The following CUX2 variants were observed in gnomAD, a reference collection of about 807,000 sequenced individuals.
CUX2 encodes homeobox protein cut-like 2.
A neutral mutation model predicts 144.8 loss-of-function variants in CUX2; 40 were observed. That is an observed-to-expected ratio of 0.28 (90% CI 0.21 to 0.36). The LOEUF is 0.36. CUX2 is among the 10% of genes least tolerant of loss of function. The pLI is 1.00. For missense variants in CUX2, 1,615 were observed against 1,994.0 expected, an observed-to-expected ratio of 0.81 and a Z score of 3.62; for synonymous variants, 827 against 875.6, an observed-to-expected ratio of 0.94 and a Z score of 0.98.
At chr12:111,290,071 C>G (rs1885589637) in intron 4 of CUX2, among the ~76,000 whole-genome samples, 1 of 152,182 alleles carries the variant, frequency 6.6e-6, no homozygotes, top group Admixed American at 6.5e-5. Context: ...GAGCAGCAGC[C>G]AGATCCTTGC....
chr12:111,170,140 G>A (rs1276290630), intron 1 of CUX2, among the ~76,000 whole-genome samples: 1 of 152,178 alleles, frequency 6.6e-6, no homozygotes, highest in African/African-American at 2.4e-5. Flanking sequence ...CAGGATGAGA[G>A]TATTAAGAAC....
intron 16 of CUX2, among the ~76,000 whole-genome samples, chr12:111,315,263 G>A (rs1038742788): frequency 1.3e-5 from 2 of 152,202 alleles, no homozygotes; most frequent in African/African-American, 2.4e-5. Flanking sequence ...TCCAGAATGG[G>A]GACAGGGGTT....
intron 1 of CUX2, among the ~76,000 whole-genome samples, chr12:111,144,855 C>G (rs1407974190): frequency 6.6e-6 from 1 of 152,088 alleles, no homozygotes; most frequent in Non-Finnish European, 1.5e-5. Flanking sequence ...GACTGTGGGC[C>G]GGGCAGTAGC....
chr12:111,340,530 G>A (rs1888533570), intron 20 of CUX2, among the ~76,000 whole-genome samples: 1 of 152,184 alleles, frequency 6.6e-6, no homozygotes, highest in Non-Finnish European at 1.5e-5. Flanking sequence ...GCAACAGAGT[G>A]AGATTCTAAT....
At chr12:111,244,530 C>G (rs1445677487) in intron 3 of CUX2, among the ~76,000 whole-genome samples, 2 of 152,250 alleles carry the variant, frequency 1.3e-5, no homozygotes, top group African/African-American at 4.8e-5. Context: ...TTTTGCTGAT[C>G]ACGACCCCGT....
intron 1 of CUX2, among the ~76,000 whole-genome samples, chr12:111,112,137 C>T (rs961565449): frequency 6.6e-6 from 1 of 152,138 alleles, no homozygotes; most frequent in Non-Finnish European, 1.5e-5. Flanking sequence ...GATCTCTCCT[C>T]TCACAAGAAG....
At chr12:111,071,415 T>C (rs1871250260) in intron 1 of CUX2, among the ~76,000 whole-genome samples, 1 of 152,210 alleles carries the variant, frequency 6.6e-6, no homozygotes, top group Non-Finnish European at 1.5e-5. Flanking sequence ...GCATATACTG[T>C]ATATCTTCTT....
intron 1 of CUX2, among the ~76,000 whole-genome samples, chr12:111,149,851 C>G (rs1456299975): frequency 1.3e-5 from 2 of 152,220 alleles, no homozygotes; most frequent in East Asian, 3.8e-4. Flanking sequence ...TAGGCACACC[C>G]TTACTTGTAG....
chr12:111,145,577 A>G (rs1566252028), intron 1 of CUX2, among the ~76,000 whole-genome samples: 1 of 152,146 alleles, frequency 6.6e-6, no homozygotes, highest in Non-Finnish European at 1.5e-5. Flanking sequence ...TCTGTTGCCC[A>G]GGCTGGTCTT....
chr12:111,199,169 G>A (rs1880421361), intron 1 of CUX2, among the ~76,000 whole-genome samples: 1 of 152,148 alleles, frequency 6.6e-6, no homozygotes, highest in South Asian at 2.1e-4. Flanking sequence ...TGGCGGGATT[G>A]AAGAGACGTG....
At chr12:111,118,009 G>C (rs1874404225) in intron 1 of CUX2, among the ~76,000 whole-genome samples, 2 of 152,198 alleles carry the variant, frequency 1.3e-5, no homozygotes, top group African/African-American at 4.8e-5. Context: ...CCCAGGTAAA[G>C]GCTGGGAAAC....
At chr12:111,204,509 C>T (rs1385136211) in intron 1 of CUX2, among the ~76,000 whole-genome samples, 1 of 152,172 alleles carries the variant, frequency 6.6e-6, no homozygotes, top group Non-Finnish European at 1.5e-5. Flanking sequence ...CACGGCAGAC[C>T]TTGTAGAGAC....
rs1255401639 is a variant in CUX2 at position 111,334,617 on chromosome 12, G to C, written c.3103G>C (p.Gly1035Arg). 1.9e-6 allele frequency: 3 copies of C among 1,614,022 alleles called. No individual in the cohort carries two copies. The highest frequency in any genetic ancestry group is 2.2e-5 in the East Asian group (1 of 44,858). The stretch of plus-strand genomic sequence containing the variant: ...GATGTACTCAGGCAGCCAGGCCCCA[G>C]GGGGCATCCAGGAGATCGTGGCCAT... ...GKMYSGSQAP[G>R]GIQEIVAMSP... is the part of the protein sequence containing the mutation. Residue 1035 changes from glycine (G) to arginine (R), a missense_variant, in exon 19 of 22, where the codon GGG becomes CGG. Physicochemically the swap from Gly to Arg is moderately radical, Grantham distance 125. Around this residue, in one of 12 missense-constraint regions of CUX2, gnomAD observed 128 missense variants for 124.4 expected, o/e 1.03. Coordinates refer to ENST00000261726, the MANE Select transcript of CUX2 (RefSeq NM_015267.4).
chr12:111,311,734 G>T (rs1317355014), intron 15 of CUX2, among the ~76,000 whole-genome samples: 2 of 151,904 alleles, frequency 1.3e-5, no homozygotes, highest in African/African-American at 4.8e-5. Context: ...GAGTAGCTGG[G>T]ATTACAGGTG....
At chr12:111,054,257 G>A (rs1005692015) in intron 1 of CUX2, among the ~76,000 whole-genome samples, 2 of 152,244 alleles carry the variant, frequency 1.3e-5, no homozygotes, top group Admixed American at 6.5e-5. Context: ...TGGGTTCTGG[G>A]GGTGTGGGTT....
chr12:111,034,406 G>A lies in CUX2; in HGVS notation c.63+166G>A, dbSNP rs1043700568. Among the ~76,000 whole-genome samples, 14 of 151,354 alleles carry A rather than the reference G, an allele frequency of 9.2e-5. No homozygotes were observed. Among genetic ancestry groups the A allele is most frequent in the Admixed American group, 3.3e-4 (5 of 15,214 alleles). On this transcript the variant is annotated intron_variant, in intron 1 of 21. Coordinates refer to ENST00000261726, the MANE Select transcript of CUX2 (RefSeq NM_015267.4). The surrounding 1 kb of genome is among the most constrained non-coding windows in gnomAD (Gnocchi z 4.2). ...CCCGCTGCCCATCGATAGGTATTAG[G>A]AATTGATCTCGCCGCTGCTCTTTGT... is the stretch of plus-strand genomic sequence containing the variant.
rs1388383274 is a variant in CUX2, at chr12:111,190,427, C to T, written c.64-23773C>T. Among the ~76,000 whole-genome samples the T allele has an allele frequency of 1.3e-5, 2 of 152,168 alleles. No individual in the cohort carries two copies. Among genetic ancestry groups the T allele is most frequent in the East Asian group, 3.8e-4 (2 of 5,196 alleles). ...CACGCACACACCCCACACTCTTGTT[C>T]CTGACCTTTCTCAGGGAGACATCTC... On this transcript the variant is annotated intron_variant, in intron 1 of 21. Coordinates refer to ENST00000261726, the MANE Select transcript of CUX2 (RefSeq NM_015267.4). This position sits in a 1 kb window ranked among gnomAD's most constrained non-coding sequence, Gnocchi z 4.0.
In CUX2 at chr12:111,064,475, T is replaced by C. The variant is rs577190610; in HGVS notation, c.63+30235T>C. Among the ~76,000 whole-genome samples the C allele has an allele frequency of 1.1e-4, 16 of 152,344 alleles. 2 individuals are homozygous for C. Among genetic ancestry groups the C allele is most frequent in the African/African-American group, 3.6e-4 (15 of 41,582 alleles). On this transcript the variant is annotated intron_variant, in intron 1 of 21. Transcript: ENST00000261726. ...ATGTTCACCATTAATATGATTCTGG[T>C]CTAGCATGGAGAGAAGGCCTGGATT...
intron 1 of CUX2, among the ~76,000 whole-genome samples, chr12:111,196,229 A>C (rs147408713): frequency 9.1e-4 from 139 of 152,306 alleles, no homozygotes; most frequent in Non-Finnish European, 1.8e-3. Context: ...CATTGTATGG[A>C]TAGACCACGT....
Sources: gnomAD v4.1 joint callset for allele counts (sites outside exome capture counted in the v4.1 genomes callset) on GRCh38, gnomAD v4.1.1 for gene constraint, gnomAD v4.1.1 regional missense constraint, Gnocchi (gnomAD v3.1) non-coding constraint, MANE v1.5 for transcripts, NCBI Gene and HGNC (gene_info 2026-07-23, HGNC 2026-07-21) for gene names.